Variants in PDXDC1 observed in about 807,000 individuals in gnomAD.
PDXDC1 encodes the protein pyridoxal-dependent decarboxylase domain-containing protein 1.
A neutral mutation model predicts 100.1 loss-of-function variants in PDXDC1; 42 were observed. That is an observed-to-expected ratio of 0.42 (90% CI 0.33 to 0.54). PDXDC1 has a LOEUF of 0.54. PDXDC1 is among the 20% of genes least tolerant of loss of function. The probability of loss-of-function intolerance (pLI) is 0.10; values close to 1 mark genes in which losing one functional copy is unlikely to be tolerated. For synonymous variants in PDXDC1, 260 were observed against 371.7 expected (o/e 0.70, Z 3.46); for missense variants, 636 against 979.2 (o/e 0.65, Z 4.68).
At chr16:14,996,089 G>A (rs1971896076) in intron 1 of PDXDC1, among the ~76,000 whole-genome samples, 1 of 152,270 alleles carries the variant, frequency 6.6e-6, no homozygotes, top group African/African-American at 2.4e-5. Flanking sequence ...GGAGTTAGAA[G>A]CCCCAACTGC....
intron 16 of PDXDC1, among the ~76,000 whole-genome samples, chr16:15,111,123 G>GTCAC (rs2047035879): frequency 1.4e-5 from 1 of 70,950 alleles, no homozygotes; most frequent in African/African-American, 3.7e-5. Context: ...ATGAGACTCT[G>GTCAC]TCACACACAC....
chr16:15,071,918 T>A (rs1317085360), intron 16 of PDXDC1, among the ~76,000 whole-genome samples: 1 of 152,082 alleles, frequency 6.6e-6, no homozygotes, highest in African/African-American at 2.4e-5. Context: ...ATAATTCACA[T>A]CCCATGGAGC....
rs547308684 is a variant in PDXDC1, at chr16:15,080,886, G to A, written c.1399+50830G>A. 4.0e-5 allele frequency among the ~76,000 whole-genome samples: 6 copies of A among 151,806 alleles called. No homozygotes were observed. In the South Asian group the frequency reaches 1.3e-3, roughly 32 times the overall value. ...ATACATGTTTTTAGGGTTCAATCAT[G>A]TTGTAACATGTAAACCATTCCTCTC... On this transcript the variant is annotated intron_variant, in intron 16 of 16. Coordinates refer to the PDXDC1 transcript ENST00000535621.
chr16:15,131,695 T>C (rs2048069636), intron 16 of PDXDC1: 1 of 1,529,572 alleles, frequency 6.5e-7, no homozygotes, highest in South Asian at 1.1e-5. Context: ...GCTGGCCAGG[T>C]GGATGAGGTC....
At position 15,047,956 on chromosome 16, in the gene PDXDC1, G is replaced by A. The variant is rs369372963; in HGVS notation, c.1399+17900G>A. On this transcript the variant is annotated intron_variant, in intron 16 of 16. Coordinates refer to the PDXDC1 transcript ENST00000535621. Reference sequence around the variant, plus strand: ...AAGAAATAAAATAAAATATCCAATAGCCTTTTGGGATAACGCCCAATTCAC... The same window carrying A: ...AAGAAATAAAATAAAATATCCAATAACCTTTTGGGATAACGCCCAATTCAC... 9.0e-5 allele frequency: 144 copies of A among 1,603,716 alleles called. No individual in the cohort carries two copies. The African/African-American group carries it at 1.7e-3, about 19-fold the overall frequency.
At chr16:15,023,691 G>A (rs2042372493) in intron 13 of PDXDC1, among the ~76,000 whole-genome samples, 1 of 152,260 alleles carries the variant, frequency 6.6e-6, no homozygotes, top group South Asian at 2.1e-4. Flanking sequence ...GGTTGAAGGG[G>A]GTGTGGCTAC....
chr16:15,066,911 C>A (rs1440356122), intron 16 of PDXDC1, among the ~76,000 whole-genome samples: 2 of 152,020 alleles, frequency 1.3e-5, no homozygotes, highest in Admixed American at 6.6e-5. Context: ...GCATGCCAAC[C>A]CCAAATCGAG....
chr16:15,101,370 G>C lies in PDXDC1; in HGVS notation c.1400-37509G>C, dbSNP rs933631702. ...CTCGCTCTTTCACCCAGGACGGACT[G>C]CAGTGGCACGATCTCGGCTCACTGC... On this transcript the variant is annotated intron_variant, in intron 16 of 16. Transcript: ENST00000535621. 2.0e-5 allele frequency among the ~76,000 whole-genome samples: 3 copies of C among 152,318 alleles called. No individual in the cohort carries two copies. In the East Asian group the frequency reaches 5.8e-4, roughly 29 times the overall value.
chr16:15,082,345 C>T (rs1256022459), intron 16 of PDXDC1, among the ~76,000 whole-genome samples: 2 of 152,024 alleles, frequency 1.3e-5, no homozygotes, highest in East Asian at 3.9e-4. Context: ...TGTTCTATTG[C>T]TACAAAATAT....
At chr16:15,041,621 AC>A, downstream of PDXDC1, 1 of 1,607,504 alleles carries the variant, frequency 6.2e-7, no homozygotes, top group Non-Finnish European at 8.5e-7. Flanking sequence ...GGCAGGACTT[AC>A]CTGTCACACA....
At chr16:15,063,485 G>A (rs565141995) in intron 16 of PDXDC1, among the ~76,000 whole-genome samples, 1 of 152,080 alleles carries the variant, frequency 6.6e-6, no homozygotes, top group Non-Finnish European at 1.5e-5. Flanking sequence ...GAGGTGGGCA[G>A]ATCATGAGGT....
At chr16:15,073,636 A>T (rs2045333555) in intron 16 of PDXDC1, among the ~76,000 whole-genome samples, 1 of 152,194 alleles carries the variant, frequency 6.6e-6, no homozygotes. Context: ...CAATTCTATC[A>T]TTCGTGTAGC....
the PDXDC1 span, among the ~76,000 whole-genome samples, chr16:15,151,926 G>C: frequency 2.1e-5 from 1 of 48,480 alleles, no homozygotes; most frequent in Non-Finnish European, 4.5e-5. Context: ...AGTGAACTCT[G>C]TCTCAAAAAA....
intron 16 of PDXDC1, chr16:15,125,523 G>A: frequency 5.2e-6 from 8 of 1,543,024 alleles, no homozygotes; most frequent in Non-Finnish European, 7.2e-6. Context: ...CCTGCACCAG[G>A]GCTCGAGGTT....
At chr16:15,023,319 T>G (rs1277093096) in intron 13 of PDXDC1, among the ~76,000 whole-genome samples, 1 of 152,286 alleles carries the variant, frequency 6.6e-6, no homozygotes, top group African/African-American at 2.4e-5. Context: ...GGTTTGAAAG[T>G]TTTTGTGTTT....
At chr16:14,981,562 T>G (rs1354886615) in intron 1 of PDXDC1, among the ~76,000 whole-genome samples, 19 of 152,294 alleles carry the variant, frequency 1.2e-4, no homozygotes, top group Non-Finnish European at 2.2e-4. Flanking sequence ...AGCTTCCCTA[T>G]TGTATGCTAT....
chr16:15,055,776 T>C, intron 16 of PDXDC1: 1 of 523,540 alleles, frequency 1.9e-6, no homozygotes, highest in Non-Finnish European at 2.9e-6. Flanking sequence ...CGGCCGGGGC[T>C]CCGGATGTGC....
chr16:15,091,169 T>C (rs1379264670), intron 16 of PDXDC1: 1 of 739,476 alleles, frequency 1.4e-6, no homozygotes. Context: ...GGGGTAAAAC[T>C]GTCCCTGGTT....
intron 4 of PDXDC1, 144 bp downstream of exon 4, chr16:15,002,000 GAC>G (rs1973266531): frequency 1.4e-6 from 1 of 691,808 alleles, no homozygotes; most frequent in East Asian, 3.1e-5. Context: ...TTTTCAGAAA[GAC>G]ATTTATATTA....
Sources: allele counts gnomAD v4.1 joint callset (sites outside exome capture counted in the v4.1 genomes callset), GRCh38; gene constraint gnomAD v4.1.1; transcripts MANE v1.5; gene names NCBI Gene and HGNC (gene_info 2026-07-23, HGNC 2026-07-21).